ARHGAP6: variants seen among roughly 807,000 people sequenced by gnomAD.
The protein encoded by ARHGAP6 is Rho GTPase activating protein 6.
A neutral mutation model predicts 55.7 loss-of-function variants in ARHGAP6; 16 were observed. That is an observed-to-expected ratio of 0.29 (90% CI 0.19 to 0.44). The LOEUF is 0.44. Ranked by LOEUF, ARHGAP6 falls within the 20% of genes least tolerant of loss-of-function variation. The pLI is 1.00. For missense variants in ARHGAP6, 698 were observed against 808.9 expected (o/e 0.86, Z 1.66); for synonymous variants, 382 against 360.9 (o/e 1.06, Z -0.66).
chrX:11,354,323 CTCTCTATATATATATATA>C (rs2048905205), intron 1 of ARHGAP6, among the ~76,000 whole-genome samples: 1 of 57,133 alleles, frequency 1.8e-5, no homozygotes, highest in Non-Finnish European at 3.1e-5. Flanking sequence ...CTCTCTCTCT[CTCTCTATATATATATATA>C]TATATATATA....
At chrX:11,461,201 A>C (rs2050240779) in intron 1 of ARHGAP6, among the ~76,000 whole-genome samples, 1 of 112,411 alleles carries the variant, frequency 8.9e-6, no homozygotes, top group Non-Finnish European at 1.9e-5. Flanking sequence ...GGGAAGAGAC[A>C]AACAAAGAAG....
At chrX:11,418,601 T>G (rs2049783149) in intron 1 of ARHGAP6, among the ~76,000 whole-genome samples, 1 of 112,071 alleles carries the variant, frequency 8.9e-6, no homozygotes, top group Non-Finnish European at 1.9e-5. Flanking sequence ...TACTAATAAA[T>G]TTAGACCAGG....
rs944209107 is a variant in ARHGAP6, at chrX:11,536,023, C to T, written c.588+128218G>A. ...GCATCCTTTTGAGGTCCAGCTTCAG[C>T]TCATTTTCCTTTGCCTATCTGACCT... On this transcript the variant is annotated intron_variant, in intron 1 of 12. Coordinates refer to ENST00000337414, the MANE Select transcript of ARHGAP6 (RefSeq NM_013427.3). Among the ~76,000 whole-genome samples the T allele has an allele frequency of 4.5e-5, 5 of 111,893 alleles. No homozygotes were observed. The Admixed American group carries it at 4.7e-4, about 11-fold the overall frequency.
chrX:11,600,239 T>C (rs1346785986), intron 1 of ARHGAP6, among the ~76,000 whole-genome samples: 1 of 111,694 alleles, frequency 9.0e-6, no homozygotes, highest in Non-Finnish European at 1.9e-5. Flanking sequence ...AGTTGTAATT[T>C]TGACTATGTA....
intron 1 of ARHGAP6, among the ~76,000 whole-genome samples, chrX:11,411,224 A>ATATATATATATAT: frequency 2.2e-5 from 1 of 44,910 alleles, no homozygotes; most frequent in East Asian, 2.1e-3. Context: ...TATATATATA[A>ATATATATATATAT]AATATACAAA....
At chrX:11,554,351 TAGAG>T (rs1030654583) in intron 1 of ARHGAP6, among the ~76,000 whole-genome samples, 1 of 111,670 alleles carries the variant, frequency 9.0e-6, no homozygotes, top group Non-Finnish European at 1.9e-5. Context: ...TACAGTTAGA[TAGAG>T]AGAATAAGTT....
intron 1 of ARHGAP6, among the ~76,000 whole-genome samples, chrX:11,575,411 T>C (rs762595749): frequency 8.9e-5 from 10 of 112,032 alleles, no homozygotes; most frequent in African/African-American, 2.9e-4. Context: ...CTTGAGATAT[T>C]TGAGCACCTT....
chrX:11,569,795 C>T (rs1793274189), intron 1 of ARHGAP6, among the ~76,000 whole-genome samples: 1 of 111,725 alleles, frequency 9.0e-6, no homozygotes, highest in Non-Finnish European at 1.9e-5. Flanking sequence ...CTTAAACCAC[C>T]CAAGGGGTCT....
chrX:11,143,846 A>G (rs1346644385), intron 11 of ARHGAP6, 134 bp downstream of exon 11: 1 of 1,191,957 alleles, frequency 8.4e-7, no homozygotes, highest in Non-Finnish European at 1.1e-6. Flanking sequence ...TACTCGGTAA[A>G]TGCAGGTTGA....
rs1468910173 is a variant in ARHGAP6 at position 11,573,489 on chromosome X, T to C, written c.588+90752A>G. Reference sequence around the variant, plus strand: ...TTTGTCAGGTTTGTCAAAGATCAGATAGTTGTAGATATGCGGCGTTATTTC... The same window carrying C: ...TTTGTCAGGTTTGTCAAAGATCAGACAGTTGTAGATATGCGGCGTTATTTC... On this transcript the variant is annotated intron_variant, in intron 1 of 12. Coordinates refer to ENST00000337414, the MANE Select transcript of ARHGAP6 (RefSeq NM_013427.3). 2.7e-5 allele frequency among the ~76,000 whole-genome samples: 3 copies of C among 109,544 alleles called. No homozygotes were observed. In the Admixed American group the frequency reaches 2.9e-4, roughly 11 times the overall value.
At chrX:11,464,325 A>G (rs770735991) in intron 1 of ARHGAP6, among the ~76,000 whole-genome samples, 15 of 112,367 alleles carry the variant, frequency 1.3e-4, no homozygotes, top group Non-Finnish European at 2.4e-4. Flanking sequence ...GCTTTTCTTG[A>G]TCGGCATTTT....
chrX:11,334,410 T>C (rs922628844), intron 1 of ARHGAP6: 4 of 113,354 alleles, frequency 3.5e-5, no homozygotes, highest in African/African-American at 1.3e-4. Context: ...TCATGTGTTG[T>C]CAGATGTGTG....
At chrX:11,410,717 G>T (rs998865596) in intron 1 of ARHGAP6, among the ~76,000 whole-genome samples, 3 of 111,365 alleles carry the variant, frequency 2.7e-5, no homozygotes, top group African/African-American at 9.8e-5. Context: ...ACATAACTTT[G>T]TGTTTCCATG....
At chrX:11,575,806 T>C (rs998844882) in intron 1 of ARHGAP6, among the ~76,000 whole-genome samples, 1 of 112,114 alleles carries the variant, frequency 8.9e-6, no homozygotes, top group Non-Finnish European at 1.9e-5. Flanking sequence ...TGCCCAACCA[T>C]ATAAAACAGA....
chrX:11,277,710 TAAAA>T lies in ARHGAP6; in HGVS notation c.589-23007_589-23004del, dbSNP rs543163653. On this transcript the variant is annotated intron_variant, in intron 1 of 12. Transcript: ENST00000337414. ...AGGTTTCTAGTATTCTTTTTTTTTTTAAAAAAAAATTAGCCCTGTAATGGCTATA... is the reference window on the plus strand; with the variant it reads ...AGGTTTCTAGTATTCTTTTTTTTTTTAAAAATTAGCCCTGTAATGGCTATA... Among the ~76,000 whole-genome samples the T allele has an allele frequency of 2.7e-3, 290 of 107,848 alleles. 2 individuals are homozygous for T. The highest frequency in any genetic ancestry group is 7.9e-3 in the African/African-American group (236 of 29,846). 93.7% of individuals were successfully genotyped at this position (107,848 alleles called of 115,157 possible). A position where few individuals can be genotyped will look rare whatever the true frequency, so the allele number is the denominator to read the frequency against.
intron 1 of ARHGAP6, among the ~76,000 whole-genome samples, chrX:11,612,745 T>C (rs2052117443): frequency 1.8e-5 from 2 of 112,576 alleles, no homozygotes; most frequent in Admixed American, 1.9e-4. Context: ...ACACTTCTCA[T>C]AGAGGAGAGG....
At chrX:11,327,592 A>G (rs2048514151) in intron 1 of ARHGAP6, among the ~76,000 whole-genome samples, 1 of 111,594 alleles carries the variant, frequency 9.0e-6, no homozygotes, top group Non-Finnish European at 1.9e-5. Flanking sequence ...GCATTTGAAT[A>G]CCAGCAATAA....
In ARHGAP6 at chrX:11,220,207, G is replaced by A. The variant is rs865777535; in HGVS notation, c.749-23211C>T. On this transcript the variant is annotated intron_variant, in intron 2 of 12. Transcript: ENST00000337414. ...AAAGATCAGATAGTTGTAGATATGC[G>A]GCCTTATTTCTGAGGGCTCTGTTCT... 3.7e-3 allele frequency among the ~76,000 whole-genome samples: 404 copies of A among 110,675 alleles called. 1 individual carries two copies. Among genetic ancestry groups the A allele is most frequent in the Middle Eastern group, 9.3e-3 (2 of 215 alleles).
intron 1 of ARHGAP6, among the ~76,000 whole-genome samples, chrX:11,458,140 G>C (rs2050210577): frequency 8.9e-6 from 1 of 112,467 alleles, no homozygotes; most frequent in Non-Finnish European, 1.9e-5. Context: ...CCCTGATTCA[G>C]AGTTATATGA....
Sources: allele counts gnomAD v4.1 joint callset (sites outside exome capture counted in the v4.1 genomes callset), GRCh38; gene constraint gnomAD v4.1.1; transcripts MANE v1.5; gene names NCBI Gene and HGNC (gene_info 2026-07-23, HGNC 2026-07-21).